The following PTPRK variants were observed in gnomAD, a reference collection of about 807,000 sequenced individuals.
The protein encoded by PTPRK is receptor-type tyrosine-protein phosphatase kappa.
In PTPRK, 75 loss-of-function variants were observed where a neutral mutation model predicts 178.0. The observed-to-expected ratio is 0.42, with a 90% CI of 0.35 to 0.51. PTPRK has a LOEUF of 0.51. Ranked by LOEUF, PTPRK falls within the 20% of genes least tolerant of loss-of-function variation. PTPRK has a pLI of 0.02. For missense variants in PTPRK, 1,441 were observed against 1,797.8 expected, an observed-to-expected ratio of 0.80 and a Z score of 3.59; for synonymous variants, 637 against 620.6, an observed-to-expected ratio of 1.03 and a Z score of -0.39.
chr6:128,221,097 T>C (rs1810314767), intron 5 of PTPRK, among the ~76,000 whole-genome samples: 1 of 152,226 alleles, frequency 6.6e-6, no homozygotes, highest in African/African-American at 2.4e-5. Flanking sequence ...GACAAAAATA[T>C]AAACTGTTAA....
chr6:128,174,289 T>G (rs572690210), intron 7 of PTPRK, among the ~76,000 whole-genome samples: 1 of 152,104 alleles, frequency 6.6e-6, no homozygotes, highest in Non-Finnish European at 1.5e-5. Context: ...TAAACATGTT[T>G]GTGGCTATCC....
intron 5 of PTPRK, among the ~76,000 whole-genome samples, chr6:128,221,458 A>T (rs1181474584): frequency 3.3e-5 from 5 of 151,348 alleles, no homozygotes; most frequent in Non-Finnish European, 7.4e-5. Context: ...CAGGAGGTGG[A>T]GTTTGCAGTG....
At chr6:128,512,002 A>C (rs1307955540) in intron 1 of PTPRK, among the ~76,000 whole-genome samples, 1 of 152,216 alleles carries the variant, frequency 6.6e-6, no homozygotes, top group African/African-American at 2.4e-5. Context: ...AACATATAAG[A>C]AAATAAATGA....
intron 8 of PTPRK, 67 bp downstream of exon 8, chr6:128,089,623 T>A (rs1442919909): frequency 7.0e-7 from 1 of 1,424,512 alleles, no homozygotes; most frequent in Admixed American, 1.7e-5. Flanking sequence ...CTTAGGAAAA[T>A]CTTAAAGTAA....
At chr6:128,047,169 T>G (rs759706422) in intron 13 of PTPRK, among the ~76,000 whole-genome samples, 25 of 152,194 alleles carry the variant, frequency 1.6e-4, no homozygotes, top group Non-Finnish European at 2.6e-4. Context: ...GATAAAATCT[T>G]GCATGTACTT....
chr6:128,395,493 T>C (rs929371922), intron 2 of PTPRK, among the ~76,000 whole-genome samples: 2 of 152,188 alleles, frequency 1.3e-5, no homozygotes, highest in African/African-American at 4.8e-5. Context: ...TAATTAGCAA[T>C]GGTAACATTT....
intron 3 of PTPRK, among the ~76,000 whole-genome samples, chr6:128,246,525 T>C (rs1815492965): frequency 6.6e-6 from 1 of 152,210 alleles, no homozygotes; most frequent in South Asian, 2.1e-4. Flanking sequence ...CTAGAAGAAA[T>C]TTCTAAGATC....
chr6:128,433,260 C>A (rs1012805916), intron 1 of PTPRK, among the ~76,000 whole-genome samples: 4 of 152,036 alleles, frequency 2.6e-5, no homozygotes, highest in Admixed American at 2.6e-4. Flanking sequence ...TCTTCATCCC[C>A]GCTTTCCACC....
chr6:128,375,417 AC>A lies in PTPRK; in HGVS notation c.223+22148del, dbSNP rs139444194. On this transcript the variant is annotated intron_variant, in intron 2 of 29. Transcript: ENST00000368226. ...GGAAACAACCTTTTTAAAAAAAAAA[AC>A]ATCAGATCTCATGAGACCCATTCAT... 2.8e-3 allele frequency among the ~76,000 whole-genome samples: 420 copies of A among 151,962 alleles called. 3 individuals are homozygous for A. The highest frequency in any genetic ancestry group is 9.9e-3 in the African/African-American group (410 of 41,454).
chr6:128,014,155 T>C (rs1583647191), intron 13 of PTPRK, among the ~76,000 whole-genome samples: 1 of 151,726 alleles, frequency 6.6e-6, no homozygotes, highest in East Asian at 1.9e-4. Flanking sequence ...CACAAGGATG[T>C]CTCTGATCAG....
At chr6:128,343,476 G>C (rs954057383) in intron 2 of PTPRK, among the ~76,000 whole-genome samples, 2 of 148,502 alleles carry the variant, frequency 1.3e-5, no homozygotes, top group Non-Finnish European at 3.0e-5. Context: ...CTCCAGCCTG[G>C]GCAACAAGAG....
chr6:128,115,332 A>G (rs1470305111), intron 7 of PTPRK, among the ~76,000 whole-genome samples: 1 of 152,124 alleles, frequency 6.6e-6, no homozygotes, highest in Admixed American at 6.6e-5. Context: ...GTTCTAGGAA[A>G]TGTACCTTCT....
chr6:128,424,150 T>C (rs1843814127), intron 1 of PTPRK, among the ~76,000 whole-genome samples: 1 of 151,962 alleles, frequency 6.6e-6, no homozygotes, highest in South Asian at 2.1e-4. Context: ...GGAGGATCAC[T>C]TGAGCCCTGG....
chr6:128,156,184 T>C (rs1797913740), intron 7 of PTPRK, among the ~76,000 whole-genome samples: 1 of 151,938 alleles, frequency 6.6e-6, no homozygotes, highest in Non-Finnish European at 1.5e-5. Flanking sequence ...TATAAGCTAA[T>C]ATTTTATAAA....
At chr6:128,424,594 C>CTCTGAT (rs1843885085) in intron 1 of PTPRK, among the ~76,000 whole-genome samples, 1 of 152,146 alleles carries the variant, frequency 6.6e-6, no homozygotes, top group South Asian at 2.1e-4. Context: ...CACCCTTTTT[C>CTCTGAT]TCTGATCCAA....
intron 3 of PTPRK, among the ~76,000 whole-genome samples, chr6:128,282,753 G>A (rs1821867737): frequency 6.6e-6 from 1 of 152,106 alleles, no homozygotes; most frequent in South Asian, 2.1e-4. Context: ...CTATCTCATA[G>A]GGATTCTGTA....
intron 11 of PTPRK, among the ~76,000 whole-genome samples, chr6:128,078,083 A>G (rs1031498383): frequency 2.0e-5 from 3 of 151,914 alleles, no homozygotes; most frequent in African/African-American, 7.2e-5. Flanking sequence ...TTCTCATCCT[A>G]TTTCTGACAA....
intron 1 of PTPRK, among the ~76,000 whole-genome samples, chr6:128,470,500 A>G (rs1850479007): frequency 6.6e-6 from 1 of 152,036 alleles, no homozygotes; most frequent in Non-Finnish European, 1.5e-5. Flanking sequence ...TGGGCCTCTA[A>G]CAAAGTCTCT....
intron 7 of PTPRK, among the ~76,000 whole-genome samples, chr6:128,146,688 A>G (rs907840666): frequency 6.6e-6 from 1 of 151,956 alleles, no homozygotes; most frequent in African/African-American, 2.4e-5. Context: ...TCAACCTCCC[A>G]AAGTGCTGGG....
Sources: gnomAD v4.1 joint callset for allele counts (sites outside exome capture counted in the v4.1 genomes callset) on GRCh38, gnomAD v4.1.1 for gene constraint, MANE v1.5 for transcripts, NCBI Gene and HGNC (gene_info 2026-07-23, HGNC 2026-07-21) for gene names.